Variants in SMG6 observed in about 807,000 individuals in gnomAD.
The protein encoded by SMG6 is telomerase-binding protein EST1A.
A neutral mutation model predicts 142.2 loss-of-function variants in SMG6; 66 were observed. The observed-to-expected ratio is 0.46, with a 90% CI of 0.38 to 0.57. SMG6 has a LOEUF of 0.57. Ranked by LOEUF, SMG6 falls within the 20% of genes least tolerant of loss-of-function variation. SMG6 has a pLI of 0.00. For synonymous variants in SMG6, 779 were observed against 702.4 expected (o/e 1.11, Z -1.72); for missense variants, 1,793 against 1,832.0 (o/e 0.98, Z 0.39).
intron 13 of SMG6, among the ~76,000 whole-genome samples, chr17:2,169,526 T>C (rs1336409196): frequency 1.3e-5 from 2 of 152,100 alleles, no homozygotes; most frequent in Non-Finnish European, 2.9e-5. Flanking sequence ...ACCAAGGTGA[T>C]AGAAGGGAGT....
At chr17:2,211,539 C>T (rs1042077357) in intron 10 of SMG6, among the ~76,000 whole-genome samples, 1 of 151,940 alleles carries the variant, frequency 6.6e-6, no homozygotes, top group African/African-American at 2.4e-5. Context: ...TGGTGGGCGC[C>T]TGTAGTCTCA....
chr17:2,151,550 A>C (rs1427113309), intron 13 of SMG6, among the ~76,000 whole-genome samples: 1 of 152,242 alleles, frequency 6.6e-6, no homozygotes, highest in African/African-American at 2.4e-5. Flanking sequence ...GCACTAAGGC[A>C]GGCCTCCTCT....
intron 15 of SMG6, among the ~76,000 whole-genome samples, chr17:2,070,336 T>C (rs1036790730): frequency 3.3e-4 from 50 of 152,178 alleles, no homozygotes; most frequent in African/African-American, 1.2e-3. Context: ...CCAGACAGCA[T>C]GCTCCCTGAG....
intron 13 of SMG6, among the ~76,000 whole-genome samples, chr17:2,168,156 C>T (rs1435864937): frequency 1.3e-5 from 2 of 152,020 alleles, no homozygotes; most frequent in African/African-American, 4.8e-5. Context: ...GTGTGAGCCA[C>T]CATGCCTGGC....
rs1197326041 is a variant in SMG6, at chr17:2,061,629, G to C, written c.4130-7C>G. 1 of 1,567,182 alleles carries C rather than the reference G, an allele frequency of 6.4e-7. No homozygotes were observed. Among genetic ancestry groups the C allele is most frequent in the Non-Finnish European group, 8.7e-7 (1 of 1,155,934 alleles). The stretch of plus-strand genomic sequence containing the variant: ...AGTAGCCGGATTGGCTCCTCTGTGG[G>C]CATGAGAGAGCAGAAGGCTGTCACT... On this transcript the variant is annotated splice_region_variant and splice_polypyrimidine_tract_variant and intron_variant, in intron 18 of 18. Transcript: ENST00000263073.
In SMG6 at chr17:2,071,748, G is replaced by T. The variant is rs1003129425; in HGVS notation, c.3682-2817C>A. ...ACCGGTGGGCCTCTGGGCGGGGGGG[G>T]TCACACCTGGGTCACAAGACTGGCT... On this transcript the variant is annotated intron_variant, in intron 15 of 18. Transcript: ENST00000263073. This position sits in a 1 kb window ranked among gnomAD's most constrained non-coding sequence, Gnocchi z 5.6. 4.7e-5 allele frequency among the ~76,000 whole-genome samples: 7 copies of T among 148,960 alleles called. No homozygotes were observed. Among genetic ancestry groups the T allele is most frequent in the Non-Finnish European group, 1.0e-4 (7 of 67,296 alleles).
intron 8 of SMG6, among the ~76,000 whole-genome samples, chr17:2,251,829 C>T (rs955436969): frequency 6.6e-6 from 1 of 152,216 alleles, no homozygotes; most frequent in African/African-American, 2.4e-5. Flanking sequence ...GGGCCAGGCA[C>T]AGTGGCTCAT....
At chr17:2,136,731 T>G (rs77354548) in intron 13 of SMG6, among the ~76,000 whole-genome samples, 2 of 145,508 alleles carry the variant, frequency 1.4e-5, no homozygotes, top group African/African-American at 5.0e-5. Flanking sequence ...TTTTTTTCCT[T>G]TTTTTTTTTT....
intron 8 of SMG6, among the ~76,000 whole-genome samples, chr17:2,245,096 T>C (rs1343741366): frequency 6.6e-6 from 1 of 152,184 alleles, no homozygotes; most frequent in Non-Finnish European, 1.5e-5. Context: ...GCAAGGATAA[T>C]AGTGAAGGCC....
chr17:2,070,755 A>C (rs772655150), intron 15 of SMG6, among the ~76,000 whole-genome samples: 1 of 152,058 alleles, frequency 6.6e-6, no homozygotes, highest in Admixed American at 6.6e-5. Flanking sequence ...AAGTCTTCCT[A>C]CTGATCTCAC....
At chr17:2,210,450 C>G (rs1389506570) in intron 10 of SMG6, among the ~76,000 whole-genome samples, 1 of 151,650 alleles carries the variant, frequency 6.6e-6, no homozygotes, top group Non-Finnish European at 1.5e-5. Context: ...AATAAACTTG[C>G]GATTCCAGGT....
chr17:2,189,306 T>C (rs1166190027), intron 10 of SMG6, among the ~76,000 whole-genome samples: 4 of 152,184 alleles, frequency 2.6e-5, no homozygotes, highest in South Asian at 4.2e-4. Context: ...GAATTATTCT[T>C]TGGTGGGAGC....
intron 10 of SMG6, among the ~76,000 whole-genome samples, chr17:2,227,362 A>G (rs1163672417): frequency 1.3e-5 from 2 of 152,250 alleles, no homozygotes; most frequent in South Asian, 4.1e-4. Context: ...AAAACTACAC[A>G]ATATCCAGAC....
At chr17:2,110,354 C>A (rs192906351) in intron 13 of SMG6, among the ~76,000 whole-genome samples, 1 of 152,108 alleles carries the variant, frequency 6.6e-6, no homozygotes, top group Non-Finnish European at 1.5e-5. Context: ...GGCCCTGTTG[C>A]GAGTTTCTGG....
chr17:2,067,585 C>A (rs1207720105), intron 16 of SMG6, among the ~76,000 whole-genome samples: 2 of 152,202 alleles, frequency 1.3e-5, no homozygotes, highest in African/African-American at 4.8e-5. Context: ...GTGACAGAAA[C>A]TGTTCTACTG....
intron 1 of SMG6, 73 bp downstream of exon 1, chr17:2,303,560 G>A (rs2075338759): frequency 3.7e-6 from 5 of 1,353,092 alleles, no homozygotes; most frequent in Non-Finnish European, 3.8e-6. Flanking sequence ...GGCCGAGCGG[G>A]GAGGAGGCAG....
chr17:2,114,970 GAAATA>G (rs143639119), intron 13 of SMG6, among the ~76,000 whole-genome samples: 3,963 of 116,976 alleles, frequency 0.034, 267 homozygotes, highest in African/African-American at 0.072. Context: ...GAAATGAAAT[GAAATA>G]AAATAAAATA....
intron 13 of SMG6, among the ~76,000 whole-genome samples, chr17:2,120,116 G>A (rs1222298749): frequency 1.3e-5 from 2 of 152,206 alleles, no homozygotes; most frequent in African/African-American, 4.8e-5. Flanking sequence ...CCTCCATACA[G>A]CGCTTAGAGG....
intron 13 of SMG6, among the ~76,000 whole-genome samples, chr17:2,149,743 G>A (rs1341206443): frequency 6.6e-6 from 1 of 152,210 alleles, no homozygotes; most frequent in Non-Finnish European, 1.5e-5. Flanking sequence ...GTCTTTTTAT[G>A]GGTTGGGCCC....
Sources: allele counts gnomAD v4.1 joint callset (sites outside exome capture counted in the v4.1 genomes callset), GRCh38; gene constraint gnomAD v4.1.1; non-coding constraint Gnocchi (gnomAD v3.1); transcripts MANE v1.5; gene names NCBI Gene and HGNC (gene_info 2026-07-23, HGNC 2026-07-21).